CNTN3: variants seen among roughly 807,000 people sequenced by gnomAD.
CNTN3 encodes the protein contactin 3, also known as contactin-3.
Under a neutral mutation model 119.1 loss-of-function variants are expected in CNTN3, and 60 were observed. The ratio of observed to expected loss-of-function variants is 0.50; its 90% CI spans 0.41 to 0.62. CNTN3 has a LOEUF of 0.62. Among genes scored for constraint, CNTN3 ranks in the 20% least tolerant of loss-of-function variants. The pLI is 0.00. For missense variants in CNTN3, 1,101 were observed against 1,242.4 expected (o/e 0.89, Z 1.71); for synonymous variants, 450 against 438.7 (o/e 1.03, Z -0.32).
intron 13 of CNTN3, among the ~76,000 whole-genome samples, chr3:74,309,887 G>A (rs538955734): frequency 6.6e-6 from 1 of 152,242 alleles, no homozygotes; most frequent in East Asian, 1.9e-4. Context: ...CAAGCACAAG[G>A]CTCATTTCCT....
chr3:74,454,470 G>C (rs1183117983), intron 4 of CNTN3, among the ~76,000 whole-genome samples: 2 of 151,812 alleles, frequency 1.3e-5, no homozygotes, highest in African/African-American at 4.8e-5. Context: ...TATCCAATTT[G>C]CCAGTCTGTG....
intron 1 of CNTN3, among the ~76,000 whole-genome samples, chr3:74,605,773 C>G (rs1426870435): frequency 6.6e-6 from 1 of 152,126 alleles, no homozygotes; most frequent in African/African-American, 2.4e-5. Flanking sequence ...GGCTTAGGAG[C>G]AGAATTCACA....
At chr3:74,374,917 A>C (rs1704440786) in intron 5 of CNTN3, among the ~76,000 whole-genome samples, 1 of 152,166 alleles carries the variant, frequency 6.6e-6, no homozygotes, top group South Asian at 2.1e-4. Flanking sequence ...TTCTTGAACA[A>C]CCATTCAATG....
chr3:74,300,104 A>G (rs1016480067), intron 16 of CNTN3, among the ~76,000 whole-genome samples, 166 bp from the exon 17 acceptor site: 5 of 152,226 alleles, frequency 3.3e-5, no homozygotes, highest in African/African-American at 9.6e-5. Flanking sequence ...ATGCATTTAT[A>G]TATTTTTATG....
At chr3:74,537,047 T>C (rs549799125) in intron 1 of CNTN3, among the ~76,000 whole-genome samples, 32 of 152,044 alleles carry the variant, frequency 2.1e-4, no homozygotes, top group Admixed American at 2.0e-3. Flanking sequence ...GTAGACAAGA[T>C]GTGTCCTGAG....
At chr3:74,451,234 C>A (rs372630393) in intron 4 of CNTN3, among the ~76,000 whole-genome samples, 12 of 151,966 alleles carry the variant, frequency 7.9e-5, no homozygotes, top group African/African-American at 1.9e-4. Context: ...TATCCCATTG[C>A]GGTTTTGATT....
rs1435338024 is a variant in CNTN3 at position 74,406,186 on chromosome 3, GACAA to G, written c.454+18655_454+18658del. 6.6e-5 allele frequency among the ~76,000 whole-genome samples: 10 copies of G among 152,120 alleles called. No individual in the cohort carries two copies. In the East Asian group the frequency reaches 1.3e-3, roughly 21 times the overall value. On this transcript the variant is annotated intron_variant, in intron 5 of 22. Transcript: ENST00000263665. ...AATTAGGGAAAAATGTATCATACAAGACAAACAAAATGCTAATTGCCTTAAAAGA... is the reference window on the plus strand; with the variant it reads ...AATTAGGGAAAAATGTATCATACAAGACAAAATGCTAATTGCCTTAAAAGA...
chr3:74,576,581 T>C (rs1704421138), intron 1 of CNTN3, among the ~76,000 whole-genome samples: 1 of 152,170 alleles, frequency 6.6e-6, no homozygotes, highest in Non-Finnish European at 1.5e-5. Context: ...GTTCTTTTTA[T>C]GTAGCTGAGG....
chr3:74,384,208 C>A (rs1198357794), intron 5 of CNTN3, among the ~76,000 whole-genome samples: 1 of 152,224 alleles, frequency 6.6e-6, no homozygotes, highest in African/African-American at 2.4e-5. Flanking sequence ...TGTCCCCTGA[C>A]ATTTTTTAGT....
intron 1 of CNTN3, among the ~76,000 whole-genome samples, chr3:74,613,287 T>A (rs2106722082): frequency 1.3e-5 from 2 of 149,938 alleles, no homozygotes; most frequent in Admixed American, 1.3e-4. Context: ...TTTTTTTTTT[T>A]AGTTATTCTT....
At chr3:74,588,976 A>C (rs1293199428) in intron 1 of CNTN3, among the ~76,000 whole-genome samples, 59 of 152,164 alleles carry the variant, frequency 3.9e-4, no homozygotes, top group African/African-American at 1.4e-3. Context: ...TAAAGACTTA[A>C]ACGTTAGACC....
At position 74,521,145 on chromosome 3, in the gene CNTN3, C is replaced by A; in HGVS notation, c.-33G>T. The A allele has an allele frequency of 7.1e-7, 1 of 1,411,966 alleles. No individual in the cohort carries two copies. The highest frequency in any genetic ancestry group is 1.8e-5 in the Admixed American group (1 of 56,180). The allele number at this position is 1,411,966 out of a possible 1,614,324, so 87.5% of individuals were successfully genotyped here. ...TGCCAAATGCAAGAGTAACTCTTGT[C>A]CAGTCTCTGATGAATAGAATGCTTT... On this transcript the variant is annotated 5_prime_UTR_variant, in exon 2 of 23. Coordinates refer to ENST00000263665, the MANE Select transcript of CNTN3 (RefSeq NM_020872.3).
chr3:74,302,249 T>C (rs895531868), intron 14 of CNTN3, among the ~76,000 whole-genome samples: 3 of 152,168 alleles, frequency 2.0e-5, no homozygotes, highest in Non-Finnish European at 2.9e-5. Flanking sequence ...CAGTAGCAAA[T>C]CAGTATCCTG....
At chr3:74,368,496 A>G (rs895325098) in intron 8 of CNTN3, among the ~76,000 whole-genome samples, 1 of 152,024 alleles carries the variant, frequency 6.6e-6, no homozygotes, top group African/African-American at 2.4e-5. Context: ...GTTTTGAAAA[A>G]TTATATATTT....
chr3:74,281,831 C>G (rs555617778), intron 20 of CNTN3, among the ~76,000 whole-genome samples: 3 of 152,114 alleles, frequency 2.0e-5, no homozygotes, highest in South Asian at 4.1e-4. Context: ...GAAGGAGAAC[C>G]AATAATTCAG....
chr3:74,541,758 T>G (rs1012801818), intron 1 of CNTN3, among the ~76,000 whole-genome samples: 2 of 152,214 alleles, frequency 1.3e-5, no homozygotes, highest in African/African-American at 2.4e-5. Context: ...ATGTATCATA[T>G]ATTCTTTTGT....
intron 1 of CNTN3, among the ~76,000 whole-genome samples, chr3:74,530,380 G>A (rs948854938): frequency 4.6e-5 from 7 of 151,944 alleles, no homozygotes; most frequent in South Asian, 4.1e-4. Flanking sequence ...CATCAGAGTT[G>A]TCCAGAGACT....
chr3:74,460,777 AT>A (rs1702351361), intron 4 of CNTN3, among the ~76,000 whole-genome samples: 2 of 2,554 alleles, frequency 7.8e-4, no homozygotes, highest in African/African-American at 4.7e-3. Flanking sequence ...ATTTTCATAT[AT>A]ATATATATAT....
intron 4 of CNTN3, among the ~76,000 whole-genome samples, chr3:74,447,811 C>G (rs891382127): frequency 6.6e-6 from 1 of 152,186 alleles, no homozygotes; most frequent in African/African-American, 2.4e-5. Context: ...AAGGGCAGGA[C>G]TCACCTGGAC....
Sources: allele counts gnomAD v4.1 joint callset (sites outside exome capture counted in the v4.1 genomes callset), GRCh38; gene constraint gnomAD v4.1.1; transcripts MANE v1.5; gene names NCBI Gene and HGNC (gene_info 2026-07-23, HGNC 2026-07-21).